Variants in GGT7 observed in about 807,000 individuals in gnomAD.
The protein encoded by GGT7 is gamma-glutamyltransferase 7, also known as glutathione hydrolase 7.
A neutral mutation model predicts 69.2 loss-of-function variants in GGT7; 30 were observed. The ratio of observed to expected loss-of-function variants is 0.43; its 90% CI spans 0.32 to 0.59. GGT7 has a LOEUF of 0.59. Among genes scored for constraint, GGT7 ranks in the 20% least tolerant of loss-of-function variants. The pLI, the probability that GGT7 is intolerant of heterozygous loss-of-function variation, is 0.05. For synonymous variants in GGT7, 388 were observed against 391.8 expected (o/e 0.99, Z 0.12); for missense variants, 733 against 901.1 (o/e 0.81, Z 2.39).
chr20:34,856,020 T>C (rs2079486587), intron 8 of GGT7, among the ~76,000 whole-genome samples: 2 of 152,174 alleles, frequency 1.3e-5, no homozygotes, highest in Non-Finnish European at 2.9e-5. Context: ...CATGAACTCC[T>C]GGGCTCAAGT....
intron 1 of GGT7, among the ~76,000 whole-genome samples, chr20:34,865,982 A>G (rs1359216519): frequency 1.3e-5 from 2 of 152,172 alleles, no homozygotes; most frequent in Non-Finnish European, 2.9e-5. Context: ...AACCCCTTTA[A>G]AAGTCTATGT....
chr20:34,859,737 C>T (rs570208475), intron 6 of GGT7, 98 bp from the exon 7 acceptor site: 1 of 1,010,356 alleles, frequency 9.9e-7, no homozygotes, highest in Non-Finnish European at 1.4e-6. Context: ...AGTGGCCCAC[C>T]CTAAGTGCCC....
chr20:34,854,531 C>T lies in GGT7; in HGVS notation c.1319G>A (p.Ser440Asn). The T allele has an allele frequency of 6.3e-7, 1 of 1,590,278 alleles. No individual in the cohort carries two copies. Among genetic ancestry groups the T allele is most frequent in the Non-Finnish European group, 8.6e-7 (1 of 1,158,572 alleles). Residue 440 changes from serine (S) to asparagine (N), a missense_variant and splice_region_variant, in exon 10 of 15, where the codon AGC becomes AAC. Coordinates refer to ENST00000336431, the MANE Select transcript of GGT7 (RefSeq NM_178026.3). ...CCCCCAGGTCCTGCCCAAGACCCAC[C>T]TGAGCATGTCATCCATGCTCTCAGT... ...TITESMDDML[S>N]KVEAAYLRGH...
intron 14 of GGT7, among the ~76,000 whole-genome samples, chr20:34,847,160 A>G (rs750509529): frequency 1.3e-5 from 2 of 152,160 alleles, no homozygotes; most frequent in African/African-American, 2.4e-5. Flanking sequence ...CTTGTTTGCT[A>G]TTGATCTCCA....
chr20:34,853,812 C>T lies in GGT7; in HGVS notation c.1319+719G>A, dbSNP rs182129113. 5.3e-5 allele frequency among the ~76,000 whole-genome samples: 8 copies of T among 152,326 alleles called. No individual in the cohort carries two copies. In the South Asian group the frequency reaches 1.2e-3, roughly 24 times the overall value. On this transcript the variant is annotated intron_variant, in intron 10 of 14. Coordinates refer to ENST00000336431, the MANE Select transcript of GGT7 (RefSeq NM_178026.3). The stretch of plus-strand genomic sequence containing the variant: ...TTTAAACCACTTGCCCAAGGCTGCA[C>T]AGCTAGCGAAGGGTCAAGCTGGAAT...
Position 34,845,322 on chromosome 20 carries a change from G to C in GGT7, c.*6C>G, listed in dbSNP as rs762022378. 2 of 1,611,114 alleles carry C rather than the reference G, an allele frequency of 1.2e-6. No homozygotes were observed. Among genetic ancestry groups the C allele is most frequent in the Non-Finnish European group, 8.5e-7 (1 of 1,178,578 alleles). On this transcript the variant is annotated 3_prime_UTR_variant, in exon 15 of 15. Transcript: ENST00000336431. ...GGGAGCAGAGACCCCGCCCCACCCC[G>C]CTGCTCTACAGGATGGTGGCTCCAG...
At chr20:34,854,065 T>C (rs570525707) in intron 10 of GGT7, among the ~76,000 whole-genome samples, 2 of 152,336 alleles carry the variant, frequency 1.3e-5, no homozygotes, top group South Asian at 2.1e-4. Context: ...GCCTCCTGAC[T>C]AGCTGGGACT....
intron 1 of GGT7, among the ~76,000 whole-genome samples, chr20:34,866,356 A>C (rs1177238214): frequency 6.6e-6 from 1 of 152,150 alleles, no homozygotes; most frequent in Non-Finnish European, 1.5e-5. Flanking sequence ...CTGAGGCAGG[A>C]GATCACTTGA....
At chr20:34,856,646 G>A (rs1007964361) in intron 8 of GGT7, among the ~76,000 whole-genome samples, 160 bp downstream of exon 8, 2 of 152,146 alleles carry the variant, frequency 1.3e-5, no homozygotes, top group Non-Finnish European at 2.9e-5. Context: ...TTCAGAAGGT[G>A]GGCTGACTCT....
chr20:34,863,788 T>G lies in GGT7; in HGVS notation c.170-240A>C. The G allele has an allele frequency of 1.4e-6, 1 of 698,782 alleles. No homozygotes were observed. Among genetic ancestry groups the G allele is most frequent in the Non-Finnish European group, 2.7e-6 (1 of 373,540 alleles). The allele number at this position is 698,782 out of a possible 1,614,324, so 43.3% of individuals were successfully genotyped here. ...AGCAGGGAGGCTGGATTCCCGCCCC[T>G]CCCTGATACCTAGGCCAAATTTCCT... On this transcript the variant is annotated intron_variant, in intron 1 of 14. Transcript: ENST00000336431. The surrounding 1 kb of genome is among the most constrained non-coding windows in gnomAD (Gnocchi z 4.4).
chr20:34,857,014 C>T, intron 7 of GGT7, 121 bp from the exon 8 acceptor site: 1 of 710,780 alleles, frequency 1.4e-6, no homozygotes, highest in Non-Finnish European at 2.6e-6. Context: ...CTGCAACCCC[C>T]ATCGTGGCCT....
At chr20:34,860,100 G>T (rs1047086826) in intron 5 of GGT7, 58 bp from the exon 6 acceptor site, 4 of 904,654 alleles carry the variant, frequency 4.4e-6, no homozygotes, top group African/African-American at 3.3e-5. Context: ...GGAGGGGTCC[G>T]GGGGGAGGGG....
At chr20:34,859,381 C>G in intron 7 of GGT7, 62 bp downstream of exon 7, 1 of 1,306,780 alleles carries the variant, frequency 7.7e-7, no homozygotes, top group Non-Finnish European at 1.0e-6. Context: ...AAAATGCGGA[C>G]GCGGATGTCC....
intron 1 of GGT7, among the ~76,000 whole-genome samples, chr20:34,866,036 C>T (rs554556514): frequency 1.1e-3 from 174 of 152,250 alleles, no homozygotes; most frequent in African/African-American, 4.0e-3. Flanking sequence ...GTTTAAAATA[C>T]GTGGTTCACT....
intron 13 of GGT7, chr20:34,850,972 C>T: frequency 1.5e-6 from 1 of 676,682 alleles, no homozygotes; most frequent in East Asian, 2.8e-5. Context: ...CACCCAGATG[C>T]TAACCCCACT....
chr20:34,867,276 A>G (rs898462536), intron 1 of GGT7, among the ~76,000 whole-genome samples: 3 of 152,196 alleles, frequency 2.0e-5, no homozygotes, highest in African/African-American at 7.2e-5. Flanking sequence ...ATATTTATTG[A>G]TGCTGACTAC....
intron 13 of GGT7, 114 bp downstream of exon 13, chr20:34,851,117 G>A: frequency 6.7e-6 from 9 of 1,335,038 alleles, no homozygotes; most frequent in Non-Finnish European, 8.5e-6. Context: ...AACAGCCTCA[G>A]CCCATGTTTG....
At position 34,872,698 on chromosome 20, in the gene GGT7, G is replaced by GGGCCGCGGGCGCCGGCTCGTCCTCGGGC; in HGVS notation, c.90_117dup (p.Pro40AlafsTer129). On this transcript the variant is annotated frameshift_variant, in exon 1 of 15. Transcript: ENST00000336431. LOFTEE classifies it high-confidence loss of function. Reference sequence around the variant, plus strand: ...TCCTCGTCCTTGCGGCCCCTCAGCGGGGCCGCGGGCGCCGGCTCGTCCTCG... The same window carrying GGGCCGCGGGCGCCGGCTCGTCCTCGGGC: ...TCCTCGTCCTTGCGGCCCCTCAGCGGGGCCGCGGGCGCCGGCTCGTCCTCGGGCGGCCGCGGGCGCCGGCTCGTCCTCG... 1 of 1,484,044 alleles carries GGGCCGCGGGCGCCGGCTCGTCCTCGGGC rather than the reference G, an allele frequency of 6.7e-7. No homozygotes were observed. The highest frequency in any genetic ancestry group is 2.8e-5 in the East Asian group (1 of 35,704). The allele number at this position is 1,484,044 out of a possible 1,614,324, so 91.9% of individuals were successfully genotyped here.
intron 14 of GGT7, among the ~76,000 whole-genome samples, chr20:34,847,791 A>G (rs1481498433): frequency 1.3e-5 from 2 of 152,218 alleles, no homozygotes; most frequent in Non-Finnish European, 2.9e-5. Flanking sequence ...TATAAGGTCT[A>G]TTTTTAAAAT....
Sources: gnomAD v4.1 joint callset for allele counts (sites outside exome capture counted in the v4.1 genomes callset) on GRCh38, gnomAD v4.1.1 for gene constraint, Gnocchi (gnomAD v3.1) non-coding constraint, MANE v1.5 for transcripts, NCBI Gene and HGNC (gene_info 2026-07-23, HGNC 2026-07-21) for gene names.